WWP1: variants seen among roughly 807,000 people sequenced by gnomAD.
WWP1 encodes NEDD4-like E3 ubiquitin-protein ligase WWP1.
Under a neutral mutation model 130.6 loss-of-function variants are expected in WWP1, and 49 were observed. The ratio of observed to expected loss-of-function variants is 0.38; its 90% CI spans 0.30 to 0.48. WWP1 has a LOEUF of 0.48. WWP1 is among the 20% of genes least tolerant of loss of function. The probability of loss-of-function intolerance (pLI) is 0.99; values close to 1 mark genes in which losing one functional copy is unlikely to be tolerated. For missense variants in WWP1, 809 were observed against 1,100.6 expected (o/e 0.74, Z 3.75); for synonymous variants, 332 against 367.8 (o/e 0.90, Z 1.11).
At chr8:86,385,577 G>T (rs188489578) in intron 5 of WWP1, among the ~76,000 whole-genome samples, 11 of 152,286 alleles carry the variant, frequency 7.2e-5, no homozygotes, top group Admixed American at 2.0e-4. Flanking sequence ...GCAGGTGACT[G>T]TTACCAGAAG....
chr8:86,363,804 A>G (rs1000085164), intron 1 of WWP1, among the ~76,000 whole-genome samples: 2 of 151,932 alleles, frequency 1.3e-5, no homozygotes, highest in Non-Finnish European at 2.9e-5. Context: ...CAAAAAAAAA[A>G]AAAAAAAAAA....
At chr8:86,359,499 C>T (rs1257859776) in intron 1 of WWP1, among the ~76,000 whole-genome samples, 1 of 152,054 alleles carries the variant, frequency 6.6e-6, no homozygotes, top group Non-Finnish European at 1.5e-5. Context: ...CCATTGTATT[C>T]CCAGTGCCCC....
Position 86,438,662 on chromosome 8 carries a change from T to C in WWP1, c.1827T>C (p.Gly609=). Residue 609 remains glycine, a synonymous_variant, in exon 17 of 25, where the codon GGT becomes GGC. Transcript: ENST00000517970. ...IFRGEEGLDY[G]GLAREWFFLL... is the part of the protein sequence containing the mutation. ...GAGGAGAAGAAGGACTTGATTATGGTGGCCTAGCGAGGTAAAATAAAAAAC... is the reference window on the plus strand; with the variant it reads ...GAGGAGAAGAAGGACTTGATTATGGCGGCCTAGCGAGGTAAAATAAAAAAC... 6.2e-7 allele frequency: 1 copy of C among 1,605,330 alleles called. No individual in the cohort carries two copies. Among genetic ancestry groups the C allele is most frequent in the South Asian group, 1.1e-5 (1 of 88,814 alleles).
rs1243399358 is a variant in WWP1 at position 86,411,808 on chromosome 8, C to T, written c.995C>T (p.Pro332Leu). Residue 332 changes from proline (P) to leucine (L), a missense_variant, in exon 9 of 25, where the codon CCA becomes CTA. By Grantham distance (98) the Pro-to-Leu change is moderately conservative. Transcript: ENST00000517970. ...TTTGAAGCAGCCAAATCAAGACAGC[C>T]AGATGGGTGTATGGATCCTGTACGG... ...SAFEAAKSRQPDGCMDPVRQQ... is the reference protein window; with the variant it reads ...SAFEAAKSRQLDGCMDPVRQQ... 6.2e-7 allele frequency: 1 copy of T among 1,614,084 alleles called. No homozygotes were observed. Among genetic ancestry groups the T allele is most frequent in the Non-Finnish European group, 8.5e-7 (1 of 1,180,018 alleles).
At chr8:86,353,187 A>C (rs1823046196) in intron 1 of WWP1, among the ~76,000 whole-genome samples, 1 of 151,992 alleles carries the variant, frequency 6.6e-6, no homozygotes, top group Non-Finnish European at 1.5e-5. Context: ...TTGAATTTTA[A>C]ATTAATGAAA....
intron 8 of WWP1, 55 bp downstream of exon 8, chr8:86,402,258 G>A (rs2130509910): frequency 6.4e-7 from 1 of 1,571,798 alleles, no homozygotes; most frequent in Non-Finnish European, 8.6e-7. Context: ...TGAAGTTTAT[G>A]TATCCATCCA....
chr8:86,451,775 G>C (rs993657204), intron 20 of WWP1, among the ~76,000 whole-genome samples: 1 of 152,126 alleles, frequency 6.6e-6, no homozygotes, highest in Non-Finnish European at 1.5e-5. Context: ...GGTGTATGCT[G>C]CTTCTTTAGG....
chr8:86,466,987 A>G lies in WWP1; in HGVS notation c.*94A>G, dbSNP rs1020637504. 2 of 882,404 alleles carry G rather than the reference A, an allele frequency of 2.3e-6. No homozygotes were observed. The highest frequency in any genetic ancestry group is 3.5e-6 in the Non-Finnish European group (2 of 574,598). 54.7% of individuals were successfully genotyped at this position (882,404 alleles called of 1,614,324 possible). A position where few individuals can be genotyped will look rare whatever the true frequency, so the allele number is the denominator to read the frequency against. ...TGTATATAAGCTGTTCATTCTGTAC[A>G]GTGAATTTTCCGAACCTCTCAAAGT... On this transcript the variant is annotated 3_prime_UTR_variant, in exon 25 of 25. Transcript: ENST00000517970.
In WWP1 at chr8:86,411,553, C is replaced by T. The variant is rs777702857; in HGVS notation, c.740C>T (p.Ser247Phe). Residue 247 changes from serine (S) to phenylalanine (F), a missense_variant, in exon 9 of 25, where the codon TCC becomes TTC. Physicochemically the swap from Ser to Phe is radical, Grantham distance 155. Transcript: ENST00000517970. ...CCCTTCTCAGTTAATGGAGAATCAT[C>T]CTCATTTGCACCAACTGATAATGCG... is the stretch of plus-strand genomic sequence containing the variant. ...PADDTVNGES[S>F]SFAPTDNASV... 7 of 1,610,954 alleles carry T rather than the reference C, an allele frequency of 4.3e-6. No homozygotes were observed. In the East Asian group the frequency reaches 1.6e-4, roughly 36 times the overall value.
intron 17 of WWP1, among the ~76,000 whole-genome samples, chr8:86,439,171 G>A (rs113926786): frequency 0.054 from 8,253 of 151,906 alleles, 316 homozygotes; most frequent in Non-Finnish European, 0.086. Context: ...GTGAAACCCC[G>A]TCTCTACTAA....
At chr8:86,359,850 C>A (rs1279795664) in intron 1 of WWP1, among the ~76,000 whole-genome samples, 1 of 151,948 alleles carries the variant, frequency 6.6e-6, no homozygotes, top group Non-Finnish European at 1.5e-5. Context: ...GAGATCGAGA[C>A]CATCCTGGCT....
intron 11 of WWP1, among the ~76,000 whole-genome samples, chr8:86,428,330 A>G (rs1236889587): frequency 6.6e-6 from 1 of 152,188 alleles, no homozygotes; most frequent in Non-Finnish European, 1.5e-5. Flanking sequence ...AATTTGACCA[A>G]TTGGTGATTT....
intron 5 of WWP1, among the ~76,000 whole-genome samples, chr8:86,388,183 T>A (rs1322029975): frequency 6.6e-6 from 1 of 151,874 alleles, no homozygotes; most frequent in African/African-American, 2.4e-5. Flanking sequence ...TAAACAACTT[T>A]CCTTTCCTTC....
chr8:86,421,197 G>A (rs1445195632), intron 9 of WWP1, among the ~76,000 whole-genome samples: 1 of 152,146 alleles, frequency 6.6e-6, no homozygotes, highest in Non-Finnish European at 1.5e-5. Flanking sequence ...AGTTTTTACA[G>A]TACTGAATAT....
intron 9 of WWP1, among the ~76,000 whole-genome samples, chr8:86,421,562 C>T (rs1039930355): frequency 5.3e-5 from 8 of 152,194 alleles, no homozygotes; most frequent in Admixed American, 6.5e-5. Context: ...TGGTGGCTCA[C>T]GCCTGTAATC....
chr8:86,355,873 A>G (rs1823224778), intron 1 of WWP1, among the ~76,000 whole-genome samples: 1 of 152,314 alleles, frequency 6.6e-6, no homozygotes, highest in African/African-American at 2.4e-5. Flanking sequence ...TTAGCTCAGC[A>G]CTTCTTATTT....
rs200063533 is a variant in WWP1 at position 86,411,819 on chromosome 8, A to C, written c.1006A>C (p.Met336Leu). Reference sequence around the variant, plus strand: ...CAAATCAAGACAGCCAGATGGGTGTATGGATCCTGTACGGCAGCAGTCTGG... The same window carrying C: ...CAAATCAAGACAGCCAGATGGGTGTCTGGATCCTGTACGGCAGCAGTCTGG... ...AAKSRQPDGC[M>L]DPVRQQSGNA... Residue 336 changes from methionine to leucine, a missense_variant, in exon 9 of 25, where the codon ATG (methionine) becomes CTG (leucine). By Grantham distance (15) the Met-to-Leu change is conservative (BLOSUM62 2). This residue lies in a region of WWP1 where 97 missense variants were observed against 80.4 expected (regional missense o/e 1.21). Coordinates refer to ENST00000517970, the MANE Select transcript of WWP1 (RefSeq NM_007013.4). The C allele has an allele frequency of 1.7e-4, 268 of 1,613,946 alleles. No homozygotes were observed. Among genetic ancestry groups the C allele is most frequent in the Non-Finnish European group, 2.1e-4 (250 of 1,180,028 alleles).
intron 1 of WWP1, among the ~76,000 whole-genome samples, chr8:86,355,715 A>T (rs1289707730): frequency 6.6e-6 from 1 of 152,138 alleles, no homozygotes; most frequent in Non-Finnish European, 1.5e-5. Context: ...TCTTTTTACG[A>T]TTAATTGTTC....
At chr8:86,416,836 A>G (rs768978585) in intron 9 of WWP1, among the ~76,000 whole-genome samples, 1 of 152,106 alleles carries the variant, frequency 6.6e-6, no homozygotes, top group African/African-American at 2.4e-5. Flanking sequence ...CCAGCCCACC[A>G]CTTTTATAGG....
Sources: gnomAD v4.1 joint callset for allele counts (sites outside exome capture counted in the v4.1 genomes callset) on GRCh38, gnomAD v4.1.1 for gene constraint, gnomAD v4.1.1 regional missense constraint, MANE v1.5 for transcripts, NCBI Gene and HGNC (gene_info 2026-07-23, HGNC 2026-07-21) for gene names.